CEP63: variants seen among roughly 807,000 people sequenced by gnomAD.
CEP63 encodes the protein centrosomal protein 63, also known as centrosomal protein of 63 kDa.
In CEP63, 84 loss-of-function variants were observed where a neutral mutation model predicts 89.1. That is an observed-to-expected ratio of 0.94 (90% confidence interval 0.79 to 1.13). The LOEUF is 1.13. Ranked by LOEUF, CEP63 falls within the 50% of genes most tolerant of loss-of-function variation. The pLI is 0.00. For missense variants in CEP63, 838 were observed against 813.3 expected (o/e 1.03, Z -0.37); for synonymous variants, 267 against 272.5 (o/e 0.98, Z 0.20).
chr3:134,673,894 TC>T, the CEP63 span, among the ~76,000 whole-genome samples: 1 of 152,214 alleles, frequency 6.6e-6, no homozygotes, highest in African/African-American at 2.4e-5. Context: ...TATCAATCAC[TC>T]TTCCGGTAAA....
At chr3:134,771,756 C>G in the CEP63 span, among the ~76,000 whole-genome samples, 12 of 152,042 alleles carry the variant, frequency 7.9e-5, no homozygotes, top group Non-Finnish European at 1.8e-4. Flanking sequence ...CACACCTGCA[C>G]GTTGTGCATG....
At chr3:134,630,464 T>C in the CEP63 span, among the ~76,000 whole-genome samples, 22 of 152,230 alleles carry the variant, frequency 1.4e-4, 1 homozygote, top group Non-Finnish European at 2.4e-4. Flanking sequence ...GGGGCCTATA[T>C]GGCAGAGTGA....
the CEP63 span, among the ~76,000 whole-genome samples, chr3:134,701,477 CAT>C: frequency 2.7e-4 from 37 of 138,998 alleles, no homozygotes; most frequent in Admixed American, 4.4e-4. Flanking sequence ...CACACACACA[CAT>C]ATATATATAC....
At chr3:134,747,607 C>T in the CEP63 span, among the ~76,000 whole-genome samples, 2 of 152,208 alleles carry the variant, frequency 1.3e-5, no homozygotes, top group Non-Finnish European at 2.9e-5. Context: ...ACCTTTAGTG[C>T]ACCTTGTCCT....
At position 134,549,123 on chromosome 3, in the gene CEP63, G is replaced by A; in HGVS notation, c.1129G>A (p.Glu377Lys). ...CCAAGAACTAATGGAAAAATATGAA[G>A]AACTGAAGAGGATGGAAGCACATAA... ...LSQELMEKYE[E>K]LKRMEAHNNE... The change falls in exon 10 of 15, where the codon GAA becomes AAA. Residue 377 changes from glutamate to lysine, a missense_variant. Glu to Lys is a moderately conservative substitution (Grantham distance 56). Coordinates refer to ENST00000675561, the MANE Select transcript of CEP63 (RefSeq NM_001353108.3). 6.2e-7 allele frequency: 1 copy of A among 1,613,584 alleles called. No individual in the cohort carries two copies. Among genetic ancestry groups the A allele is most frequent in the African/African-American group, 1.3e-5 (1 of 75,020 alleles).
chr3:134,676,973 C>T, the CEP63 span, among the ~76,000 whole-genome samples: 431 of 152,310 alleles, frequency 2.8e-3, no homozygotes, highest in Admixed American at 9.7e-3. Context: ...CAGTGGTTCA[C>T]GCCTGTAATC....
At position 134,564,480 on chromosome 3, in the gene CEP63, C is replaced by A. The variant is rs1957625827; in HGVS notation, c.*2945C>A. On this transcript the variant is annotated 3_prime_UTR_variant, in exon 15 of 15. Coordinates refer to ENST00000675561, the MANE Select transcript of CEP63 (RefSeq NM_001353108.3). ...TGTGGCTCTGACCAGACTTTGCTAT[C>A]CGCTTTGATTTCTGTCTTTCAGGGG... is the stretch of plus-strand genomic sequence containing the variant. The A allele has an allele frequency of 1.0e-6, 1 of 985,324 alleles. No homozygotes were observed. Among genetic ancestry groups the A allele is most frequent in the Non-Finnish European group, 1.2e-6 (1 of 829,982 alleles). The allele number at this position is 985,324 out of a possible 1,614,324, so 61.0% of individuals were successfully genotyped here. A position where few individuals can be genotyped will look rare whatever the true frequency, so the allele number is the denominator to read the frequency against.
At chr3:134,592,471 TGTGTGTGTGTGTGTG>T (rs1958617106), downstream of CEP63, among the ~76,000 whole-genome samples, 1 of 65,166 alleles carries the variant, frequency 1.5e-5, no homozygotes, top group African/African-American at 7.8e-5. Context: ...TGCAAACTGG[TGTGTGTGTGTGTGTG>T]TGTGTGTGTG....
the CEP63 span, among the ~76,000 whole-genome samples, chr3:134,775,674 TG>T: frequency 1.3e-5 from 2 of 152,232 alleles, no homozygotes; most frequent in South Asian, 4.2e-4. Context: ...GGGTAGAGAA[TG>T]GGAGACATGT....
At chr3:134,706,666 A>T in the CEP63 span, among the ~76,000 whole-genome samples, 1 of 152,206 alleles carries the variant, frequency 6.6e-6, no homozygotes, top group Admixed American at 6.5e-5. Flanking sequence ...CAAATTATGC[A>T]AACATGGTGG....
At chr3:134,583,583 C>G (rs1247506520) in intron 10 of CEP63, among the ~76,000 whole-genome samples, 1 of 152,068 alleles carries the variant, frequency 6.6e-6, no homozygotes, top group African/African-American at 2.4e-5. Flanking sequence ...GTTACTGTAG[C>G]CTTGTAGTAT....
chr3:134,721,488 A>G, the CEP63 span, among the ~76,000 whole-genome samples: 19 of 152,094 alleles, frequency 1.2e-4, no homozygotes, highest in East Asian at 3.7e-3. Context: ...CCCTTACTGG[A>G]GCCTCCAGTA....
At chr3:134,756,552 A>C in the CEP63 span, among the ~76,000 whole-genome samples, 5 of 152,108 alleles carry the variant, frequency 3.3e-5, no homozygotes, top group African/African-American at 1.2e-4. Context: ...TGGGGTTTTG[A>C]CATGTTGCCC....
At chr3:134,644,688 C>G in the CEP63 span, among the ~76,000 whole-genome samples, 3 of 152,232 alleles carry the variant, frequency 2.0e-5, no homozygotes, top group Non-Finnish European at 4.4e-5. Context: ...GATGATTCTT[C>G]TTGTGCAGAT....
intron 3 of CEP63, among the ~76,000 whole-genome samples, chr3:134,527,583 A>C (rs558444116): frequency 2.6e-5 from 4 of 152,206 alleles, no homozygotes; most frequent in Non-Finnish European, 4.4e-5. Context: ...ACCTGCCGGC[A>C]TAGGCACATG....
chr3:134,545,263 C>T (rs992111549), intron 6 of CEP63, among the ~76,000 whole-genome samples: 3 of 151,916 alleles, frequency 2.0e-5, no homozygotes, highest in Admixed American at 1.3e-4. Flanking sequence ...TCTCAAAGTG[C>T]GGGATTACAG....
chr3:134,778,951 A>C, the CEP63 span, among the ~76,000 whole-genome samples: 2 of 152,212 alleles, frequency 1.3e-5, no homozygotes, highest in Non-Finnish European at 2.9e-5. Context: ...GGTGCTGAGC[A>C]GCGAAATTGT....
the CEP63 span, among the ~76,000 whole-genome samples, chr3:134,765,265 C>A: frequency 8.5e-5 from 13 of 152,322 alleles, no homozygotes; most frequent in Admixed American, 2.6e-4. Flanking sequence ...TCATGTTGTT[C>A]ATTCATTCAT....
chr3:134,608,248 G>C, the CEP63 span: 11 of 1,193,878 alleles, frequency 9.2e-6, no homozygotes, highest in Non-Finnish European at 1.2e-5. Context: ...GCTATGTGTA[G>C]CCAGGGTGAC....
Sources: gnomAD v4.1 joint callset for allele counts (sites outside exome capture counted in the v4.1 genomes callset) on GRCh38, gnomAD v4.1.1 for gene constraint, MANE v1.5 for transcripts, NCBI Gene and HGNC (gene_info 2026-07-23, HGNC 2026-07-21) for gene names.